The following SUMF1 variants were observed in gnomAD, a reference collection of about 807,000 sequenced individuals.
SUMF1 encodes formylglycine-generating enzyme.
Under a neutral mutation model 47.6 loss-of-function variants are expected in SUMF1, and 48 were observed. The observed-to-expected ratio is 1.01, with a 90% CI of 0.80 to 1.28. The LOEUF (loss-of-function observed/expected upper bound fraction) is 1.28, where lower values mean the gene tolerates loss of function less well. Ranked by LOEUF, SUMF1 falls within the 50% of genes most tolerant of loss-of-function variation. SUMF1 has a pLI of 0.00. For synonymous variants in SUMF1, 230 were observed against 192.1 expected, an observed-to-expected ratio of 1.20 and a Z score of -1.63; for missense variants, 571 against 485.4, an observed-to-expected ratio of 1.18 and a Z score of -1.66.
chr3:4,217,396 G>A (rs539863746), intron 8 of SUMF1, among the ~76,000 whole-genome samples: 63 of 146,956 alleles, frequency 4.3e-4, no homozygotes, highest in African/African-American at 1.4e-3. Context: ...GATAACATTA[G>A]GAGAAATACC....
intron 8 of SUMF1, among the ~76,000 whole-genome samples, chr3:4,165,318 A>C (rs1311730402): frequency 6.6e-6 from 1 of 152,110 alleles, no homozygotes; most frequent in Non-Finnish European, 1.5e-5. Context: ...AGAGAAGGGG[A>C]CATATACCCG....
Position 4,431,253 on chromosome 3 carries a change from A to T in SUMF1, c.520-11107T>A, listed in dbSNP as rs1225126651. On this transcript the variant is annotated intron_variant, in intron 3 of 8. Transcript: ENST00000272902. ...GTCAAAGCCACAGACCGGATTGAGA[A>T]CCTGCCTTCCCATTTGGCACACTTT... Among the ~76,000 whole-genome samples, 7 of 152,322 alleles carry T rather than the reference A, an allele frequency of 4.6e-5. No homozygotes were observed. The East Asian group carries it at 1.4e-3, about 29-fold the overall frequency.
intron 7 of SUMF1, among the ~76,000 whole-genome samples, chr3:4,393,369 G>A (rs1461367445): frequency 6.6e-6 from 1 of 152,112 alleles, no homozygotes; most frequent in East Asian, 1.9e-4. Context: ...GTCTCCCTGT[G>A]TCACCCAGGC....
rs182569926 is a variant in SUMF1 at position 4,120,932 on chromosome 3, G to C, written c.1015-52187C>G. On this transcript the variant is annotated intron_variant and NMD_transcript_variant, in intron 8 of 12. Coordinates refer to the SUMF1 transcript ENST00000448413. ...TGGTAAGATGCAGGATAATTGTGAG[G>C]GCATGAGTATTTCACATACCTAACC... Among the ~76,000 whole-genome samples, 4 of 152,202 alleles carry C rather than the reference G, an allele frequency of 2.6e-5. No homozygotes were observed. In the East Asian group the frequency reaches 7.7e-4, roughly 29 times the overall value.
At chr3:4,153,890 TC>T in intron 8 of SUMF1, among the ~76,000 whole-genome samples, 1 of 151,686 alleles carries the variant, frequency 6.6e-6, no homozygotes, top group South Asian at 2.1e-4. Flanking sequence ...TCAAGTTCCA[TC>T]TTTATCTTAC....
intron 8 of SUMF1, among the ~76,000 whole-genome samples, chr3:4,308,727 A>G (rs532219912): frequency 2.0e-5 from 3 of 152,352 alleles, no homozygotes; most frequent in Admixed American, 1.3e-4. Context: ...GTTCAAGACC[A>G]TAGTCACAGA....
intron 8 of SUMF1, among the ~76,000 whole-genome samples, chr3:4,336,116 C>T (rs1699148491): frequency 6.6e-6 from 1 of 152,062 alleles, no homozygotes; most frequent in Non-Finnish European, 1.5e-5. Context: ...TCAAACGATT[C>T]AAGGTTGATT....
chr3:4,324,231 T>A (rs952868931), intron 8 of SUMF1, among the ~76,000 whole-genome samples: 1 of 151,536 alleles, frequency 6.6e-6, no homozygotes, highest in Non-Finnish European at 1.5e-5. Flanking sequence ...AAAAAAAAAA[T>A]GTCAAAGACC....
Position 4,461,784 on chromosome 3 carries a change from A to C in SUMF1, c.270+5192T>G, listed in dbSNP as rs2079820961. ...AATGAAATAAAGTTTTCTGTCCTAC[A>C]AATGTCAAATGTCATTCAAGTGAAA... On this transcript the variant is annotated intron_variant, in intron 1 of 8. Coordinates refer to ENST00000272902, the MANE Select transcript of SUMF1 (RefSeq NM_182760.4). 2.6e-5 allele frequency among the ~76,000 whole-genome samples: 4 copies of C among 152,342 alleles called. No individual in the cohort carries two copies. The South Asian group carries it at 8.3e-4, about 32-fold the overall frequency.
At chr3:4,325,840 G>GA (rs545032685) in intron 8 of SUMF1, among the ~76,000 whole-genome samples, 81 of 149,438 alleles carry the variant, frequency 5.4e-4, no homozygotes, top group Non-Finnish European at 3.9e-4. Context: ...AATAAAAACT[G>GA]AAAAAAAAAT....
intron 8 of SUMF1, among the ~76,000 whole-genome samples, chr3:4,178,214 C>G (rs1236464017): frequency 1.3e-5 from 2 of 152,132 alleles, no homozygotes; most frequent in Non-Finnish European, 2.9e-5. Context: ...ATCCTGATAC[C>G]AAAGCCTGGC....
intron 8 of SUMF1, among the ~76,000 whole-genome samples, chr3:4,341,525 T>C (rs538957013): frequency 6.6e-6 from 1 of 152,282 alleles, no homozygotes; most frequent in African/African-American, 2.4e-5. Flanking sequence ...CAGAATACAA[T>C]AGTGTTATAT....
chr3:4,199,534 T>C (rs76719574), intron 8 of SUMF1, among the ~76,000 whole-genome samples: 3,126 of 152,252 alleles, frequency 0.021, 116 homozygotes, highest in African/African-American at 0.071. Context: ...GTTCAACTTT[T>C]TAGGAAACTG....
intron 8 of SUMF1, among the ~76,000 whole-genome samples, chr3:4,267,384 T>G (rs1326998975): frequency 1.3e-5 from 2 of 152,194 alleles, no homozygotes; most frequent in African/African-American, 4.8e-5. Context: ...AAAGTATTGA[T>G]TATTACCGCA....
At chr3:4,380,113 C>T (rs1700456537) in intron 7 of SUMF1, among the ~76,000 whole-genome samples, 1 of 152,048 alleles carries the variant, frequency 6.6e-6, no homozygotes. Context: ...CCTACCACCT[C>T]CACCTCCTGT....
At chr3:4,168,045 C>T (rs916361706) in intron 8 of SUMF1, among the ~76,000 whole-genome samples, 1 of 152,144 alleles carries the variant, frequency 6.6e-6, no homozygotes, top group Non-Finnish European at 1.5e-5. Context: ...AAGTTTAAAA[C>T]TCCCTTGGGC....
rs1345821728 is a variant in SUMF1, at chr3:4,400,778, T to C, written c.954+10087A>G. Among the ~76,000 whole-genome samples the C allele has an allele frequency of 4.6e-5, 7 of 152,186 alleles. No individual in the cohort carries two copies. In the South Asian group the frequency reaches 1.2e-3, roughly 27 times the overall value. On this transcript the variant is annotated intron_variant, in intron 7 of 8. Transcript: ENST00000272902. ...AGGATTTCACCCCCTGGCCCCAAGATAGCAGAGCTGGGATGTGGACCTAGA... is the reference window on the plus strand; with the variant it reads ...AGGATTTCACCCCCTGGCCCCAAGACAGCAGAGCTGGGATGTGGACCTAGA...
chr3:4,247,842 G>A (rs1696703846), intron 8 of SUMF1, among the ~76,000 whole-genome samples: 1 of 152,188 alleles, frequency 6.6e-6, no homozygotes, highest in Non-Finnish European at 1.5e-5. Flanking sequence ...AAAAGTGCTT[G>A]AAAACAAAAT....
At chr3:4,069,724 C>A (rs1398709047) in intron 8 of SUMF1, among the ~76,000 whole-genome samples, 1 of 152,090 alleles carries the variant, frequency 6.6e-6, no homozygotes, top group Non-Finnish European at 1.5e-5. Context: ...AAATTCTGAT[C>A]AGATGGGTTT....
Sources: allele counts gnomAD v4.1 joint callset (sites outside exome capture counted in the v4.1 genomes callset), GRCh38; gene constraint gnomAD v4.1.1; transcripts MANE v1.5; gene names NCBI Gene and HGNC (gene_info 2026-07-23, HGNC 2026-07-21).